The following DMD variants were observed in gnomAD, a reference collection of about 807,000 sequenced individuals.
DMD encodes dystrophin.
DMD carries 63 observed loss-of-function variants against 330.1 expected under a neutral mutation model. That is an observed-to-expected ratio of 0.19 (90% CI 0.16 to 0.24). The LOEUF (loss-of-function observed/expected upper bound fraction) is 0.24. DMD is among the 10% of genes least tolerant of loss of function. The pLI, the probability that DMD is intolerant of heterozygous loss-of-function variation, is 1.00. For missense variants in DMD, 3,344 were observed against 2,684.1 expected, an observed-to-expected ratio of 1.25 and a Z score of -5.43; for synonymous variants, 1,223 against 959.8, an observed-to-expected ratio of 1.27 and a Z score of -5.07.
intron 22 of DMD, among the ~76,000 whole-genome samples, chrX:32,471,092 G>A (rs1393154897): frequency 9.0e-6 from 1 of 110,663 alleles, no homozygotes; most frequent in Non-Finnish European, 1.9e-5. Flanking sequence ...GCATGGCCAA[G>A]ATGGTGAAAC....
chrX:32,202,454 C>T (rs2097045268), intron 44 of DMD, among the ~76,000 whole-genome samples: 1 of 111,731 alleles, frequency 9.0e-6, no homozygotes. Context: ...CGGGTTCAAG[C>T]GATACTCCTG....
In DMD at chrX:32,511,808, AACAT is replaced by A. The variant is rs1472312015; in HGVS notation, c.2292+6196_2292+6199del. On this transcript the variant is annotated intron_variant, in intron 18 of 78. Transcript: ENST00000357033. ...AATCTTGAAAGGATCTATATTTCAT[AACAT>A]ACAGTTTTTAAATTATGCTATTAAC... is the stretch of plus-strand genomic sequence containing the variant. Among the ~76,000 whole-genome samples, 13 of 111,620 alleles carry A rather than the reference AACAT, an allele frequency of 1.2e-4. No individual in the cohort carries two copies. In the Admixed American group the frequency reaches 1.2e-3, roughly 11 times the overall value.
At chrX:32,217,287 G>A (rs773085853) in intron 43 of DMD, among the ~76,000 whole-genome samples, 1 of 111,010 alleles carries the variant, frequency 9.0e-6, no homozygotes, top group East Asian at 2.8e-4. Context: ...GATTTTAAAT[G>A]GAAGGTTGCA....
intron 60 of DMD, among the ~76,000 whole-genome samples, chrX:31,408,796 T>C (rs995805361): frequency 1.8e-5 from 2 of 112,216 alleles, no homozygotes; most frequent in African/African-American, 6.5e-5. Flanking sequence ...AATTTTATTA[T>C]TATTATACTT....
chrX:32,053,676 G>T (rs1490709594), intron 44 of DMD, among the ~76,000 whole-genome samples: 2 of 111,192 alleles, frequency 1.8e-5, no homozygotes, highest in Admixed American at 9.6e-5. Context: ...GATCTTCCAT[G>T]TTCTAAATGT....
intron 44 of DMD, among the ~76,000 whole-genome samples, chrX:32,028,184 T>C (rs2095859964): frequency 9.0e-6 from 1 of 111,319 alleles, no homozygotes; most frequent in Non-Finnish European, 1.9e-5. Context: ...TAAATGAACG[T>C]GCCTTACTCG....
Position 32,565,742 on chromosome X carries a change from C to G in DMD, c.1952G>C (p.Trp651Ser), listed in dbSNP as rs128626242. Residue 651 changes from tryptophan to serine, a missense_variant, in exon 16 of 79, where the codon TGG becomes TCG. Trp to Ser is a radical substitution (Grantham distance 177, BLOSUM62 -3). Transcript: ENST00000357033. ...TTCAAGTTTTTGGACTAAATTATCC[C>G]AACACCGGGCAAAGTTATCCAGCCA... Reference protein sequence around the residue: ...EAWLDNFARCWDNLVQKLEKS... With the variant: ...EAWLDNFARCSDNLVQKLEKS... 1.7e-6 allele frequency: 2 copies of G among 1,211,464 alleles called. No homozygotes were observed. The highest frequency in any genetic ancestry group is 4.4e-5 in the Admixed American group (2 of 45,970).
intron 47 of DMD, among the ~76,000 whole-genome samples, chrX:31,919,205 T>C (rs1024038118): frequency 3.6e-5 from 4 of 111,876 alleles, no homozygotes; most frequent in African/African-American, 1.3e-4. Flanking sequence ...AGGAGATAAC[T>C]GCAATGGTCT....
chrX:31,957,984 T>G (rs191910208), intron 45 of DMD, among the ~76,000 whole-genome samples: 1 of 111,407 alleles, frequency 9.0e-6, no homozygotes, highest in Admixed American at 9.5e-5. Flanking sequence ...AAAAGAACTT[T>G]GTAAATAAGT....
At position 32,951,304 on chromosome X, in the gene DMD, A is replaced by G. The variant is rs140115777; in HGVS notation, c.93+68835T>C. On this transcript the variant is annotated intron_variant, in intron 2 of 78. Transcript: ENST00000357033. The stretch of plus-strand genomic sequence containing the variant: ...CGATTCAGCTTTATATTTGACAGTT[A>G]TTTATATTTCTGGCCCTACAGACTC... Among the ~76,000 whole-genome samples, 1,012 of 111,524 alleles carry G rather than the reference A, an allele frequency of 9.1e-3. 39 individuals carry two copies. Among genetic ancestry groups the G allele is most frequent in the Admixed American group, 0.078 (810 of 10,381 alleles).
In DMD at chrX:31,845,031, T is replaced by TATATATATATATGTATATGTGTATAC. The variant is rs1569474368; in HGVS notation, c.7099-8213_7099-8212insGTATACACATATACATATATATATAT. ...AGGTATGCCTGTATATGTGTATACA[T>TATATATATATATGTATATGTGTATAC]ATATATATATATATGTATATGTGTG... is the stretch of plus-strand genomic sequence containing the variant. On this transcript the variant is annotated intron_variant, in intron 48 of 78. Transcript: ENST00000357033. 4.2e-3 allele frequency among the ~76,000 whole-genome samples: 297 copies of TATATATATATATGTATATGTGTATAC among 71,196 alleles called. 3 individuals carry two copies. Among genetic ancestry groups the TATATATATATATGTATATGTGTATAC allele is most frequent in the African/African-American group, 0.018 (287 of 15,626 alleles). The allele number at this position is 71,196 out of a possible 115,157, so 61.8% of individuals were successfully genotyped here. A position where few individuals can be genotyped will look rare whatever the true frequency, so the allele number is the denominator to read the frequency against.
intron 74 of DMD, among the ~76,000 whole-genome samples, chrX:31,160,670 T>A (rs932460475): frequency 8.9e-6 from 1 of 112,063 alleles, no homozygotes; most frequent in Non-Finnish European, 1.9e-5. Flanking sequence ...AACGTAATGA[T>A]GACTTTCCAG....
chrX:31,966,993 T>A (rs763034291), intron 45 of DMD, among the ~76,000 whole-genome samples: 7 of 110,804 alleles, frequency 6.3e-5, no homozygotes, highest in Middle Eastern at 5.0e-3. Flanking sequence ...TCAATTTTTT[T>A]AATTTTCTCA....
In DMD at chrX:31,882,110, C is replaced by T. The variant is rs749864542; in HGVS notation, c.6913-6737G>A. Among the ~76,000 whole-genome samples, 14 of 112,073 alleles carry T rather than the reference C, an allele frequency of 1.2e-4. No individual in the cohort carries two copies. In the South Asian group the frequency reaches 5.1e-3, roughly 41 times the overall value. On this transcript the variant is annotated intron_variant, in intron 47 of 78. Transcript: ENST00000357033. ...CTTAGTAGAAATTGACATGCCAATC[C>T]TAAGATTTATATGTAAGTGCAAAGG...
chrX:33,088,644 C>G (rs1466740296), intron 1 of DMD, among the ~76,000 whole-genome samples: 2 of 110,941 alleles, frequency 1.8e-5, no homozygotes, highest in Non-Finnish European at 3.8e-5. Flanking sequence ...GACATCGCGC[C>G]ACTGCACTCC....
intron 44 of DMD, among the ~76,000 whole-genome samples, chrX:32,086,734 T>C (rs2096442173): frequency 9.0e-6 from 1 of 111,683 alleles, no homozygotes; most frequent in African/African-American, 3.3e-5. Flanking sequence ...GTGTCAACAA[T>C]CTAATTAAGG....
chrX:31,478,876 C>T (rs1404089793), intron 58 of DMD, 107 bp downstream of exon 58: 5 of 888,257 alleles, frequency 5.6e-6, no homozygotes, highest in Non-Finnish European at 7.8e-6. Flanking sequence ...TCTATTTAAC[C>T]AAGAAAATAT....
intron 2 of DMD, among the ~76,000 whole-genome samples, chrX:32,856,306 G>A (rs1286351602): frequency 6.3e-5 from 7 of 111,731 alleles, no homozygotes; most frequent in Non-Finnish European, 7.5e-5. Context: ...TCCTACTGCC[G>A]GGTATATACC....
chrX:32,192,502 T>C, intron 44 of DMD, among the ~76,000 whole-genome samples: 1 of 112,251 alleles, frequency 8.9e-6, no homozygotes, highest in Middle Eastern at 4.7e-3. Flanking sequence ...GCCAGAAATT[T>C]AAGTAAATGT....
Sources: allele counts gnomAD v4.1 joint callset (sites outside exome capture counted in the v4.1 genomes callset), GRCh38; gene constraint gnomAD v4.1.1; transcripts MANE v1.5; gene names NCBI Gene and HGNC (gene_info 2026-07-23, HGNC 2026-07-21).